The following ZFPM2 variants were observed in gnomAD, a reference collection of about 807,000 sequenced individuals.
ZFPM2 encodes zinc finger protein ZFPM2.
In ZFPM2, 20 loss-of-function variants were observed where a neutral mutation model predicts 98.6. The observed-to-expected ratio is 0.20, with a 90% CI of 0.14 to 0.29. ZFPM2 has a LOEUF of 0.29. Among genes scored for constraint, ZFPM2 ranks in the 10% least tolerant of loss-of-function variants. ZFPM2 has a pLI of 1.00. For synonymous variants in ZFPM2, 518 were observed against 502.7 expected, an observed-to-expected ratio of 1.03 and a Z score of -0.41; for missense variants, 1,310 against 1,388.6, an observed-to-expected ratio of 0.94 and a Z score of 0.90.
intron 3 of ZFPM2, among the ~76,000 whole-genome samples, chr8:105,480,097 A>G (rs1456243043): frequency 6.6e-6 from 1 of 152,134 alleles, no homozygotes; most frequent in East Asian, 1.9e-4. Flanking sequence ...ATGGTAGTAC[A>G]TTGTTTTCTT....
Position 105,801,734 on chromosome 8 carries a change from T to G in ZFPM2, c.1652T>G (p.Phe551Cys). The G allele has an allele frequency of 6.2e-7, 1 of 1,613,932 alleles. No individual in the cohort carries two copies. ...SPLMPKGATC[F>C]ECNITFNNLD... ...TTGATGCCCAAGGGGGCTACTTGTT[T>G]TGAGTGTAACATAACATTCAATAAT... The change falls in exon 8 of 8, where the codon TTT becomes TGT. Residue 551 changes from phenylalanine (F) to cysteine (C), a missense_variant. Transcript: ENST00000407775.
intron 5 of ZFPM2, among the ~76,000 whole-genome samples, chr8:105,723,723 C>G (rs1042976803): frequency 6.6e-6 from 1 of 151,676 alleles, no homozygotes; most frequent in Non-Finnish European, 1.5e-5. Context: ...TAAGGGCAGT[C>G]GTGATCATAA....
At chr8:105,687,223 A>G (rs764013952) in intron 5 of ZFPM2, among the ~76,000 whole-genome samples, 9 of 152,314 alleles carry the variant, frequency 5.9e-5, no homozygotes, top group Non-Finnish European at 7.4e-5. Flanking sequence ...TCACACTGCC[A>G]GCCTATTCCC....
chr8:105,588,454 G>T (rs1162173928), intron 4 of ZFPM2, among the ~76,000 whole-genome samples: 2 of 151,468 alleles, frequency 1.3e-5, no homozygotes, highest in South Asian at 4.2e-4. Flanking sequence ...ATAAAAACTA[G>T]TATCAAAATA....
intron 3 of ZFPM2, among the ~76,000 whole-genome samples, chr8:105,549,518 T>TCTTCCTTCCTTCCTTGCTTC (rs1814793811): frequency 2.1e-5 from 1 of 48,472 alleles, no homozygotes; most frequent in Non-Finnish European, 3.6e-5. Flanking sequence ...CTCCCTCCCA[T>TCTTCCTTCCTTCCTTGCTTC]CTTCCTTCCT....
At chr8:105,790,129 C>T (rs1390702357) in intron 6 of ZFPM2, among the ~76,000 whole-genome samples, 2 of 151,482 alleles carry the variant, frequency 1.3e-5, no homozygotes, top group Non-Finnish European at 1.5e-5. Context: ...GTAGCCATTG[C>T]TTTTGGTGTT....
chr8:105,552,705 T>A (rs538601626), intron 3 of ZFPM2, among the ~76,000 whole-genome samples: 1 of 152,202 alleles, frequency 6.6e-6, no homozygotes, highest in Admixed American at 6.5e-5. Flanking sequence ...ATATGGCAAT[T>A]TCTTTCTCCC....
chr8:105,559,898 A>G (rs1041475109), intron 3 of ZFPM2, among the ~76,000 whole-genome samples: 8 of 152,158 alleles, frequency 5.3e-5, no homozygotes, highest in African/African-American at 1.9e-4. Flanking sequence ...CTGTCATGAC[A>G]TATAGCATTT....
chr8:105,676,417 A>T (rs1187653251), intron 5 of ZFPM2, among the ~76,000 whole-genome samples: 1 of 152,166 alleles, frequency 6.6e-6, no homozygotes, highest in East Asian at 1.9e-4. Flanking sequence ...ACATTTGTCA[A>T]TGAAACTTTT....
intron 2 of ZFPM2, among the ~76,000 whole-genome samples, chr8:105,430,438 C>G (rs943928673): frequency 1.3e-5 from 2 of 152,128 alleles, no homozygotes; most frequent in African/African-American, 4.8e-5. Context: ...TATTAGATAC[C>G]TGAATTCCAA....
chr8:105,643,552 G>C (rs558880524), intron 5 of ZFPM2, among the ~76,000 whole-genome samples: 1 of 151,966 alleles, frequency 6.6e-6, no homozygotes, highest in Non-Finnish European at 1.5e-5. Context: ...ATAGTGTCTG[G>C]TCCACAATGA....
At chr8:105,395,977 T>C (rs952523267) in intron 1 of ZFPM2, among the ~76,000 whole-genome samples, 1 of 152,246 alleles carries the variant, frequency 6.6e-6, no homozygotes, top group African/African-American at 2.4e-5. Flanking sequence ...GTCTATTAAT[T>C]GCTTTTTGAG....
At chr8:105,419,635 G>T (rs1563650294) in intron 2 of ZFPM2, among the ~76,000 whole-genome samples, 1 of 152,014 alleles carries the variant, frequency 6.6e-6, no homozygotes, top group Non-Finnish European at 1.5e-5. Context: ...AATGTTAATT[G>T]TTTGCAAGGC....
At chr8:105,592,074 T>C (rs1815858632) in intron 4 of ZFPM2, among the ~76,000 whole-genome samples, 1 of 152,114 alleles carries the variant, frequency 6.6e-6, no homozygotes. Flanking sequence ...TGAAAAATGG[T>C]TAAATTCCAT....
At chr8:105,467,687 G>A (rs528963064) in intron 3 of ZFPM2, among the ~76,000 whole-genome samples, 51 of 152,088 alleles carry the variant, frequency 3.4e-4, no homozygotes, top group African/African-American at 1.1e-3. Flanking sequence ...GAATATAAAA[G>A]TAGTAGGCTG....
chr8:105,399,442 C>T (rs1325220992), intron 1 of ZFPM2, among the ~76,000 whole-genome samples: 2 of 151,992 alleles, frequency 1.3e-5, no homozygotes, highest in Non-Finnish European at 2.9e-5. Flanking sequence ...TCGATGTGTG[C>T]CTGAAAGAAA....
At chr8:105,523,418 G>A (rs1814104874) in intron 3 of ZFPM2, among the ~76,000 whole-genome samples, 2 of 152,286 alleles carry the variant, frequency 1.3e-5, no homozygotes, top group African/African-American at 2.4e-5. Flanking sequence ...TACTGTGTTA[G>A]CAATTCTGCA....
At chr8:105,694,221 T>C (rs373334923) in intron 5 of ZFPM2, among the ~76,000 whole-genome samples, 5,133 of 151,932 alleles carry the variant, frequency 0.034, 285 homozygotes, top group African/African-American at 0.11. Context: ...CTCCTGACCT[T>C]GTGATCTGCC....
chr8:105,461,741 G>A (rs1812707839), intron 3 of ZFPM2, among the ~76,000 whole-genome samples: 1 of 152,096 alleles, frequency 6.6e-6, no homozygotes, highest in African/African-American at 2.4e-5. Context: ...AGGCATGAGA[G>A]ATATAAGAGC....
Sources: gnomAD v4.1 joint callset for allele counts (sites outside exome capture counted in the v4.1 genomes callset) on GRCh38, gnomAD v4.1.1 for gene constraint, MANE v1.5 for transcripts, NCBI Gene and HGNC (gene_info 2026-07-23, HGNC 2026-07-21) for gene names.